Variants in ZNF765 observed in about 807,000 individuals in gnomAD.
ZNF765 encodes the protein zinc finger protein 765.
Under a neutral mutation model 44.7 loss-of-function variants are expected in ZNF765, and 37 were observed. The ratio of observed to expected loss-of-function variants is 0.83; its 90% CI spans 0.64 to 1.09. The LOEUF (loss-of-function observed/expected upper bound fraction) is 1.09. Among genes scored for constraint, ZNF765 ranks in the 50% least tolerant of loss-of-function variants. The pLI is 0.00. For synonymous variants in ZNF765, 201 were observed against 213.7 expected (o/e 0.94, Z 0.52); for missense variants, 594 against 626.1 (o/e 0.95, Z 0.55).
chr19:53,422,419 T>C (rs1008634339), intron 3 of ZNF765, among the ~76,000 whole-genome samples: 1 of 152,122 alleles, frequency 6.6e-6, no homozygotes, highest in African/African-American at 2.4e-5. Context: ...AATATGGAGG[T>C]GAATACATGT....
intron 2 of ZNF765, among the ~76,000 whole-genome samples, chr19:53,400,007 G>A (rs954245339): frequency 6.6e-6 from 1 of 152,000 alleles, no homozygotes; most frequent in African/African-American, 2.4e-5. Flanking sequence ...TAGAGACAGG[G>A]TTTCACCATG....
chr19:53,409,207 T>C lies in ZNF765; in HGVS notation c.*80T>C. On this transcript the variant is annotated 3_prime_UTR_variant, in exon 4 of 4. Coordinates refer to ENST00000396408, the MANE Select transcript of ZNF765 (RefSeq NM_001040185.3). ...TCATAGTGGAGAGAAACCTTACAAATATGAAGAACTTGACAAAGCTTACAA... is the reference window on the plus strand; with the variant it reads ...TCATAGTGGAGAGAAACCTTACAAACATGAAGAACTTGACAAAGCTTACAA... 1 of 1,311,162 alleles carries C rather than the reference T, an allele frequency of 7.6e-7. No individual in the cohort carries two copies. The allele number at this position is 1,311,162 out of a possible 1,614,324, so 81.2% of individuals were successfully genotyped here.
intron 3 of ZNF765, among the ~76,000 whole-genome samples, chr19:53,420,417 G>A (rs993953389): frequency 1.3e-5 from 2 of 152,154 alleles, no homozygotes; most frequent in African/African-American, 4.8e-5. Flanking sequence ...ATGCCTTACA[G>A]ATTTAATTTT....
exon 4 of ZNF765, chr19:53,427,215 CAG>C (rs2085945152): frequency 7.2e-6 from 1 of 139,828 alleles, no homozygotes; most frequent in African/African-American, 2.9e-5. Context: ...GACGCATACT[CAG>C]AGGTAGGATT....
Position 53,407,868 on chromosome 19 carries a change from G to A in ZNF765, c.313G>A (p.Glu105Lys). The A allele has an allele frequency of 6.2e-7, 1 of 1,613,732 alleles. No individual in the cohort carries two copies. ...CATTGAGTTTCAGTGGCAAGAAGAT[G>A]AAAGAAATGGCCATGAAGCACTCAT... The part of the protein sequence containing the change: ...HDIEFQWQED[E>K]RNGHEALMTK... Residue 105 changes from glutamate to lysine, a missense_variant, in exon 4 of 4, where the codon GAA becomes AAA. Transcript: ENST00000396408.
At chr19:53,420,181 A>T (rs1005280513) in intron 3 of ZNF765, among the ~76,000 whole-genome samples, 3 of 151,746 alleles carry the variant, frequency 2.0e-5, no homozygotes, top group Admixed American at 2.0e-4. Flanking sequence ...AAAATACAAA[A>T]ATTAGCTTGG....
chr19:53,410,010 A>C lies in ZNF765; in HGVS notation c.*883A>C, dbSNP rs778244063. 1 of 516,084 alleles carries C rather than the reference A, an allele frequency of 1.9e-6. No individual in the cohort carries two copies. Among genetic ancestry groups the C allele is most frequent in the Non-Finnish European group, 3.9e-6 (1 of 258,980 alleles). 32.0% of individuals were successfully genotyped at this position (516,084 alleles called of 1,614,324 possible). A position where few individuals can be genotyped will look rare whatever the true frequency, so the allele number is the denominator to read the frequency against. ...GAAGAGAGATCCTACAAGTGTGATA[A>C]ATGCAGAATAAATGCAGAAAATTTT... On this transcript the variant is annotated 3_prime_UTR_variant, in exon 4 of 4. Coordinates refer to ENST00000396408, the MANE Select transcript of ZNF765 (RefSeq NM_001040185.3).
intron 3 of ZNF765, among the ~76,000 whole-genome samples, chr19:53,421,536 C>T (rs561276754): frequency 3.9e-5 from 6 of 151,944 alleles, no homozygotes; most frequent in South Asian, 4.2e-4. Context: ...TTTTTTGAGA[C>T]GGAGTTTCAC....
rs566889669 is a variant in ZNF765, at chr19:53,410,729, G to A, written c.*1602G>A. The A allele has an allele frequency of 2.1e-5, 9 of 423,206 alleles. No individual in the cohort carries two copies. The highest frequency in any genetic ancestry group is 6.4e-5 in the East Asian group (1 of 15,716). 26.2% of individuals were successfully genotyped at this position (423,206 alleles called of 1,614,324 possible). The stretch of plus-strand genomic sequence containing the variant: ...CATTGTTCATAACTTGCAGTTCATC[G>A]GCGAACTCGTACTGGAGAGAAACCT... On this transcript the variant is annotated 3_prime_UTR_variant, in exon 4 of 4. Transcript: ENST00000396408.
At chr19:53,415,722 G>A (rs181872976), downstream of ZNF765, among the ~76,000 whole-genome samples, 7 of 152,172 alleles carry the variant, frequency 4.6e-5, no homozygotes, top group African/African-American at 1.4e-4. Flanking sequence ...CCATGGGATC[G>A]ACTCTTGAGA....
chr19:53,416,855 T>C (rs2085878100), downstream of ZNF765, among the ~76,000 whole-genome samples: 1 of 151,970 alleles, frequency 6.6e-6, no homozygotes, highest in Admixed American at 6.6e-5. Context: ...TCTCGCTCTG[T>C]AGCCCAGGCT....
downstream of ZNF765, among the ~76,000 whole-genome samples, chr19:53,413,738 A>G (rs2085851035): frequency 1.3e-5 from 2 of 151,048 alleles, no homozygotes; most frequent in Admixed American, 6.6e-5. Context: ...AACCCAGTTC[A>G]CGACAGACCC....
At chr19:53,412,393 CT>C (rs2085840883), downstream of ZNF765, among the ~76,000 whole-genome samples, 1 of 152,140 alleles carries the variant, frequency 6.6e-6, no homozygotes, top group Non-Finnish European at 1.5e-5. Context: ...ATCTACAATC[CT>C]TTTTACATCC....
At chr19:53,419,509 A>T (rs1178506396) in intron 3 of ZNF765, among the ~76,000 whole-genome samples, 1 of 152,214 alleles carries the variant, frequency 6.6e-6, no homozygotes. Flanking sequence ...GAAAGTTTTA[A>T]TAATCAGTTT....
chr19:53,418,086 G>C (rs1762172619), intron 3 of ZNF765, among the ~76,000 whole-genome samples: 1 of 152,146 alleles, frequency 6.6e-6, no homozygotes, highest in South Asian at 2.1e-4. Flanking sequence ...AATTATAACA[G>C]GGAAATAAAA....
At chr19:53,425,824 G>A (rs1353290902) in exon 4 of ZNF765, 1 of 152,306 alleles carries the variant, frequency 6.6e-6, no homozygotes, top group East Asian at 1.9e-4. Context: ...CACAGGCCGG[G>A]CGTGGTGGCT....
chr19:53,397,186 T>C (rs2147085687), intron 1 of ZNF765, among the ~76,000 whole-genome samples: 1 of 152,364 alleles, frequency 6.6e-6, no homozygotes, highest in Middle Eastern at 3.4e-3. Flanking sequence ...CATTGATTTC[T>C]AGGCAGCAAT....
chr19:53,405,948 T>TATATATATATAA (rs1555832274), intron 3 of ZNF765, among the ~76,000 whole-genome samples: 6 of 123,582 alleles, frequency 4.9e-5, no homozygotes, highest in Non-Finnish European at 1.0e-4. Context: ...TATATATATA[T>TATATATATATAA]ATAAAATTGC....
intron 1 of ZNF765, among the ~76,000 whole-genome samples, 165 bp downstream of exon 1, chr19:53,395,358 G>A (rs2085656587): frequency 6.6e-6 from 1 of 152,094 alleles, no homozygotes; most frequent in Admixed American, 6.6e-5. Flanking sequence ...TTCCTTTTGG[G>A]TTTAAGGTCC....
Sources: allele counts gnomAD v4.1 joint callset (sites outside exome capture counted in the v4.1 genomes callset), GRCh38; gene constraint gnomAD v4.1.1; transcripts MANE v1.5; gene names NCBI Gene and HGNC (gene_info 2026-07-23, HGNC 2026-07-21).